Variants in MARK2 observed in about 807,000 individuals in gnomAD.
MARK2 encodes microtubule affinity regulating kinase 2.
Under a neutral mutation model 89.8 loss-of-function variants are expected in MARK2, and 16 were observed. That is an observed-to-expected ratio of 0.18 (90% confidence interval 0.12 to 0.27). The LOEUF is 0.27. Among genes scored for constraint, MARK2 ranks in the 10% least tolerant of loss-of-function variants. MARK2 has a pLI of 1.00. For missense variants in MARK2, 621 were observed against 1,049.9 expected (o/e 0.59, Z 5.65); for synonymous variants, 382 against 399.5 (o/e 0.96, Z 0.52).
chr11:63,885,549 G>A (rs367876762), intron 1 of MARK2, among the ~76,000 whole-genome samples: 4 of 150,532 alleles, frequency 2.7e-5, no homozygotes, highest in Non-Finnish European at 4.4e-5. Context: ...GAAAAAAAAA[G>A]AGAGGCTGGG....
intron 5 of MARK2, 23 bp downstream of exon 5, chr11:63,898,696 C>T: frequency 6.2e-7 from 1 of 1,612,830 alleles, no homozygotes; most frequent in Non-Finnish European, 8.5e-7. Context: ...CTGCCTCTTC[C>T]TGTTGTGCCC....
At chr11:63,880,012 T>C (rs1938995118) in intron 1 of MARK2, 1 of 152,180 alleles carries the variant, frequency 6.6e-6, no homozygotes, top group African/African-American at 2.4e-5. Context: ...AGCTCCAGGC[T>C]GGATCTTATC....
chr11:63,871,001 T>C (rs1938412889), intron 1 of MARK2, among the ~76,000 whole-genome samples: 1 of 152,140 alleles, frequency 6.6e-6, no homozygotes. Flanking sequence ...TAATACAGTG[T>C]GGGCAAAAAT....
At chr11:63,849,126 G>T (rs909682273) in intron 1 of MARK2, among the ~76,000 whole-genome samples, 2 of 152,128 alleles carry the variant, frequency 1.3e-5, no homozygotes, top group African/African-American at 2.4e-5. Context: ...TCCCACCTTA[G>T]CTTCCAGAGT....
At chr11:63,859,715 T>A (rs1200139239) in intron 1 of MARK2, among the ~76,000 whole-genome samples, 1 of 151,966 alleles carries the variant, frequency 6.6e-6, no homozygotes, top group East Asian at 1.9e-4. Flanking sequence ...CACTGCAGCC[T>A]CCACCTCCCA....
chr11:63,843,212 CAGT>C (rs1377612436), intron 1 of MARK2, among the ~76,000 whole-genome samples: 1 of 152,146 alleles, frequency 6.6e-6, no homozygotes, highest in East Asian at 1.9e-4. Flanking sequence ...TGAAGCTTGG[CAGT>C]TGTGAAAGCA....
intron 1 of MARK2, among the ~76,000 whole-genome samples, chr11:63,864,786 G>C (rs1938033500): frequency 6.6e-6 from 1 of 150,674 alleles, no homozygotes; most frequent in South Asian, 2.2e-4. Context: ...CAAGGTGAGA[G>C]GATCACTTGA....
chr11:63,882,146 C>A (rs1939126338), intron 1 of MARK2, among the ~76,000 whole-genome samples: 2 of 152,068 alleles, frequency 1.3e-5, no homozygotes, highest in African/African-American at 4.8e-5. Context: ...ATGTGTAGAT[C>A]TGGGTAGCTC....
intron 1 of MARK2, among the ~76,000 whole-genome samples, chr11:63,851,184 C>T (rs1404839324): frequency 6.6e-6 from 1 of 152,190 alleles, no homozygotes; most frequent in Non-Finnish European, 1.5e-5. Context: ...ATTTTGGTCT[C>T]TGTTGGTTGC....
In MARK2 at chr11:63,904,154, G is replaced by T. The variant is rs547764454; in HGVS notation, c.1676+7G>T. ...GTGAGGTGCCGCGGCCCAGGCAAGT[G>T]TGCTGGGGCAGCTGGTGCACCTGCT... On this transcript the variant is annotated splice_region_variant and intron_variant, in intron 15 of 18. Transcript: ENST00000402010. The surrounding 1 kb of genome is among the most constrained non-coding windows in gnomAD (Gnocchi z 6.3). The T allele has an allele frequency of 4.0e-5, 63 of 1,560,446 alleles. No individual in the cohort carries two copies. The South Asian group carries it at 6.3e-4, about 16-fold the overall frequency.
At chr11:63,856,062 G>A (rs1021425030) in intron 1 of MARK2, among the ~76,000 whole-genome samples, 4 of 152,126 alleles carry the variant, frequency 2.6e-5, no homozygotes, top group South Asian at 2.1e-4. Context: ...AGAAAACCAC[G>A]GTAGCAGACA....
At chr11:63,842,971 G>A (rs2016094963) in intron 1 of MARK2, among the ~76,000 whole-genome samples, 1 of 151,720 alleles carries the variant, frequency 6.6e-6, no homozygotes. Flanking sequence ...TTGCCTGTGT[G>A]CTGTCCACTT....
chr11:63,890,210 G>A, intron 1 of MARK2: 1 of 1,344,724 alleles, frequency 7.4e-7, no homozygotes, highest in Non-Finnish European at 9.8e-7. Flanking sequence ...TCTTTTCTCT[G>A]CTTCCTTCCA....
At chr11:63,852,592 A>G (rs2016625963) in intron 1 of MARK2, among the ~76,000 whole-genome samples, 1 of 151,876 alleles carries the variant, frequency 6.6e-6, no homozygotes, top group African/African-American at 2.4e-5. Flanking sequence ...TGCAACTTGT[A>G]TGTTAAAAAT....
intron 1 of MARK2, among the ~76,000 whole-genome samples, chr11:63,843,444 G>T (rs888753732): frequency 2.6e-5 from 4 of 152,090 alleles, no homozygotes; most frequent in African/African-American, 9.7e-5. Context: ...AAGGGAGGGG[G>T]CTGCTGTCAG....
At chr11:63,890,175 G>C (rs765147140) in intron 1 of MARK2, 1 of 1,225,250 alleles carries the variant, frequency 8.2e-7, no homozygotes, top group Non-Finnish European at 1.1e-6. Flanking sequence ...TTCTGTTGGA[G>C]ACTCTCTCCT....
intron 1 of MARK2, chr11:63,882,783 A>G (rs1400331230): frequency 1.3e-5 from 2 of 152,270 alleles, no homozygotes; most frequent in Non-Finnish European, 2.9e-5. Context: ...CAGTGGAGCT[A>G]GGAAGAAAAG....
chr11:63,906,734 C>A lies in MARK2; in HGVS notation c.1961+620C>A, dbSNP rs998717198. Reference sequence around the variant, plus strand: ...GGGGCCCCAAGGTTTCAGTCTGGCTCCCCCAGACCTTAGGAGCTTTTGTCT... The same window carrying A: ...GGGGCCCCAAGGTTTCAGTCTGGCTACCCCAGACCTTAGGAGCTTTTGTCT... On this transcript the variant is annotated intron_variant, in intron 17 of 18. Transcript: ENST00000402010. Among the ~76,000 whole-genome samples the A allele has an allele frequency of 5.9e-5, 9 of 152,000 alleles. No individual in the cohort carries two copies. The East Asian group carries it at 1.8e-3, about 30-fold the overall frequency.
Position 63,905,062 on chromosome 11 carries a change from G to A in MARK2, c.1934+19G>A, listed in dbSNP as rs766854924. On this transcript the variant is annotated intron_variant, in intron 16 of 18. Transcript: ENST00000402010. ...TACGCAGGTAAGCAAGGAGCTTTGG[G>A]TGGCAGAGAGGCTCAGGCCAGGCCT... 8 of 1,608,760 alleles carry A rather than the reference G, an allele frequency of 5.0e-6. No individual in the cohort carries two copies. Among genetic ancestry groups the A allele is most frequent in the Non-Finnish European group, 6.8e-6 (8 of 1,176,368 alleles).
Sources: gnomAD v4.1 joint callset for allele counts (sites outside exome capture counted in the v4.1 genomes callset) on GRCh38, gnomAD v4.1.1 for gene constraint, Gnocchi (gnomAD v3.1) non-coding constraint, MANE v1.5 for transcripts, NCBI Gene and HGNC (gene_info 2026-07-23, HGNC 2026-07-21) for gene names.